The following RELCH variants were observed in gnomAD, a reference collection of about 807,000 sequenced individuals.
The protein encoded by RELCH is RAB11-binding protein RELCH.
A neutral mutation model predicts 150.3 loss-of-function variants in RELCH; 41 were observed. The ratio of observed to expected loss-of-function variants is 0.27; its 90% confidence interval spans 0.21 to 0.35. The LOEUF is 0.35. Among genes scored for constraint, RELCH ranks in the 10% least tolerant of loss-of-function variants. RELCH has a pLI of 1.00. For missense variants in RELCH, 1,092 were observed against 1,467.8 expected (o/e 0.74, Z 4.18); for synonymous variants, 478 against 531.8 (o/e 0.90, Z 1.39).
chr18:62,279,754 C>A lies in RELCH; in HGVS notation c.2968-20C>A, dbSNP rs762056877. 1.3e-6 allele frequency: 2 copies of A among 1,503,354 alleles called. No homozygotes were observed. Among genetic ancestry groups the A allele is most frequent in the African/African-American group, 2.8e-5 (2 of 72,378 alleles). The allele number at this position is 1,503,354 out of a possible 1,614,324, so 93.1% of individuals were successfully genotyped here. The stretch of plus-strand genomic sequence containing the variant: ...CTTTCCGTGCATCACCTGTGAATAC[C>A]CCCTGTGCTGACCAATCAGCTGTTG... On this transcript the variant is annotated intron_variant, in intron 22 of 28. Transcript: ENST00000644646.
intron 8 of RELCH, among the ~76,000 whole-genome samples, chr18:62,230,677 T>A (rs891166334): frequency 1.3e-5 from 2 of 152,128 alleles, no homozygotes; most frequent in East Asian, 3.9e-4. Context: ...ATCATGAATA[T>A]TGAATGAGCT....
At chr18:62,266,825 G>A (rs2043590458) in intron 19 of RELCH, 76 bp downstream of exon 19, 1 of 871,926 alleles carries the variant, frequency 1.1e-6, no homozygotes, top group South Asian at 1.6e-5. Flanking sequence ...CTCCATATAT[G>A]TAAATTGTAT....
chr18:62,193,182 G>A (rs1180777851), intron 1 of RELCH, among the ~76,000 whole-genome samples: 6 of 152,102 alleles, frequency 3.9e-5, no homozygotes, highest in African/African-American at 1.4e-4. Context: ...TCTGTTGTTG[G>A]TGTGTAGGAA....
At chr18:62,275,939 A>G (rs2044185909) in intron 22 of RELCH, among the ~76,000 whole-genome samples, 1 of 152,172 alleles carries the variant, frequency 6.6e-6, no homozygotes, top group Admixed American at 6.5e-5. Context: ...AACATTTCAT[A>G]TGTAGAATAA....
chr18:62,291,662 C>G (rs777129443), intron 27 of RELCH, 31 bp downstream of exon 27: 1 of 1,420,386 alleles, frequency 7.0e-7, no homozygotes, highest in Admixed American at 1.7e-5. Flanking sequence ...GTGCCATATT[C>G]ATGTTTTAAT....
Position 62,282,408 on chromosome 18 carries a change from G to C in RELCH, c.3217G>C (p.Val1073Leu). The C allele has an allele frequency of 6.2e-7, 1 of 1,612,888 alleles. No homozygotes were observed. Among genetic ancestry groups the C allele is most frequent in the Non-Finnish European group, 8.5e-7 (1 of 1,179,592 alleles). ...HTEIIKTFGR[V>L]GPNAEPRFRD... ...AGAGATCATAAAAACATTTGGTAGA[G>C]TTGGCCCTAACGCAGAACCCAGGTT... is the stretch of plus-strand genomic sequence containing the variant. The change falls in exon 25 of 29, where the codon GTT (valine) becomes CTT (leucine). Residue 1073 changes from valine to leucine, a missense_variant. Transcript: ENST00000644646.
intron 8 of RELCH, 112 bp downstream of exon 8, chr18:62,228,710 ATTTT>A: frequency 1.3e-6 from 1 of 762,924 alleles, no homozygotes; most frequent in Non-Finnish European, 2.0e-6. Flanking sequence ...AAATATATTA[ATTTT>A]TATATTTGAC....
chr18:62,288,467 A>G (rs2044936027), intron 26 of RELCH, among the ~76,000 whole-genome samples: 1 of 152,110 alleles, frequency 6.6e-6, no homozygotes, highest in African/African-American at 2.4e-5. Flanking sequence ...ATAAGAAGTT[A>G]TTTTTGTTCA....
intron 5 of RELCH, among the ~76,000 whole-genome samples, chr18:62,223,637 C>G (rs1008391182): frequency 6.6e-6 from 1 of 152,150 alleles, no homozygotes. Flanking sequence ...AATAAAATTA[C>G]AGGCTCATTT....
At chr18:62,233,207 C>T (rs2041686634) in intron 10 of RELCH, among the ~76,000 whole-genome samples, 1 of 151,316 alleles carries the variant, frequency 6.6e-6, no homozygotes, top group African/African-American at 2.4e-5. Context: ...TGGATGTTTG[C>T]AGATAATTTA....
intron 28 of RELCH, among the ~76,000 whole-genome samples, chr18:62,301,348 T>TATC (rs2045655808): frequency 1.3e-5 from 2 of 152,172 alleles, no homozygotes; most frequent in Non-Finnish European, 2.9e-5. Context: ...GTGGCAAACT[T>TATC]TTTTGTAGAG....
At chr18:62,280,305 A>C (rs1366139509) in intron 23 of RELCH, 3 of 1,435,224 alleles carry the variant, frequency 2.1e-6, no homozygotes, top group Non-Finnish European at 2.9e-6. Context: ...CAGCTAACCC[A>C]GTTCTTATTC....
intron 11 of RELCH, chr18:62,247,191 A>G (rs2042460201): frequency 6.6e-6 from 1 of 152,210 alleles, no homozygotes; most frequent in South Asian, 2.1e-4. Context: ...AGATTAGTCT[A>G]TAGAAACCAA....
At chr18:62,228,647 C>T (rs1346534176) in intron 8 of RELCH, 49 bp downstream of exon 8, 1 of 1,410,268 alleles carries the variant, frequency 7.1e-7, no homozygotes, top group Admixed American at 2.2e-5. Context: ...CTATTTAGTA[C>T]ATGTCAAACG....
At position 62,282,436 on chromosome 18, in the gene RELCH, G is replaced by A. The variant is rs772917861; in HGVS notation, c.3245G>A (p.Arg1082Gln). The part of the protein sequence containing the change: ...RVGPNAEPRF[R>Q]DEFVIPHLHK... ...GGCCCTAACGCAGAACCCAGGTTCC[G>A]AGATGAGTGTAAGTTGCATTTTTCT... The change falls in exon 25 of 29, where the codon CGA (arginine) becomes CAA (glutamine). Residue 1082 changes from arginine to glutamine, a missense_variant. Arg to Gln is a conservative substitution (Grantham distance 43, BLOSUM62 1). Around this residue, in one of 4 missense-constraint regions of RELCH, gnomAD observed 707 missense variants for 1,025.4 expected, o/e 0.69. Transcript: ENST00000644646. 6.2e-6 allele frequency: 10 copies of A among 1,612,234 alleles called. No individual in the cohort carries two copies. The highest frequency in any genetic ancestry group is 1.7e-5 in the Admixed American group (1 of 59,578).
Position 62,264,788 on chromosome 18 carries a change from A to T in RELCH, c.2567A>T (p.His856Leu). Residue 856 changes from histidine to leucine, a missense_variant, in exon 18 of 29, where the codon CAT (histidine) becomes CTT (leucine). By Grantham distance (99) the His-to-Leu change is moderately conservative. Transcript: ENST00000644646. ...KINVTSTACV[H>L]EFSRFFWRLC... ...AATGTTACTTCAACTGCCTGTGTCC[A>T]TGAATTCTCCAGATTTTTCTGGCGC... 1 of 1,609,536 alleles carries T rather than the reference A, an allele frequency of 6.2e-7. No individual in the cohort carries two copies. The highest frequency in any genetic ancestry group is 8.5e-7 in the Non-Finnish European group (1 of 1,177,336).
At chr18:62,234,780 T>G (rs780109420) in intron 10 of RELCH, 2 of 151,976 alleles carry the variant, frequency 1.3e-5, no homozygotes, top group Non-Finnish European at 2.9e-5. Context: ...ATTTGATTGT[T>G]TATCTTCATG....
At chr18:62,207,134 G>A (rs950742299) in intron 1 of RELCH, among the ~76,000 whole-genome samples, 8 of 151,836 alleles carry the variant, frequency 5.3e-5, no homozygotes, top group South Asian at 2.1e-4. Flanking sequence ...ATCCATTAGC[G>A]TACACTCCAT....
chr18:62,187,653 G>A lies in RELCH; in HGVS notation c.148G>A (p.Gly50Ser), dbSNP rs146488728. 14,909 of 1,558,340 alleles carry A rather than the reference G, an allele frequency of 9.6e-3. 103 individuals carry two copies. Among genetic ancestry groups the A allele is most frequent in the Non-Finnish European group, 0.011 (12,910 of 1,149,390 alleles). Residue 50 changes from glycine (G) to serine (S), a missense_variant, in exon 1 of 29, where the codon GGC (glycine) becomes AGC (serine). Gly to Ser is a moderately conservative substitution (Grantham distance 56). Around this residue, in one of 4 missense-constraint regions of RELCH, gnomAD observed 138 missense variants for 124.8 expected, o/e 1.11. Coordinates refer to ENST00000644646, the MANE Select transcript of RELCH (RefSeq NM_001346231.2). ...RLGAGSGLDP[G>S]SAGSLSPQDP... is the part of the protein sequence containing the mutation. ...GGGCGCCGGAAGTGGCCTAGATCCT[G>A]GCTCTGCGGGCTCGCTGTCGCCACA...
Sources: gnomAD v4.1 joint callset for allele counts (sites outside exome capture counted in the v4.1 genomes callset) on GRCh38, gnomAD v4.1.1 for gene constraint, gnomAD v4.1.1 regional missense constraint, MANE v1.5 for transcripts, NCBI Gene and HGNC (gene_info 2026-07-23, HGNC 2026-07-21) for gene names.